The following SCFD1 variants were observed in gnomAD, a reference collection of about 807,000 sequenced individuals.
SCFD1 encodes sec1 family domain containing 1, also known as sec1 family domain-containing protein 1.
A neutral mutation model predicts 103.2 loss-of-function variants in SCFD1; 37 were observed. The ratio of observed to expected loss-of-function variants is 0.36; its 90% CI spans 0.28 to 0.47. The LOEUF (loss-of-function observed/expected upper bound fraction) is 0.47, where lower values mean the gene tolerates loss of function less well. SCFD1 is among the 20% of genes least tolerant of loss of function. The probability of loss-of-function intolerance (pLI) is 1.00; values close to 1 mark genes in which losing one functional copy is unlikely to be tolerated. For missense variants in SCFD1, 639 were observed against 761.2 expected (o/e 0.84, Z 1.89); for synonymous variants, 264 against 245.0 (o/e 1.08, Z -0.73).
intron 1 of SCFD1, among the ~76,000 whole-genome samples, chr14:30,624,667 C>G (rs1470433551): frequency 6.6e-6 from 1 of 152,166 alleles, no homozygotes; most frequent in Non-Finnish European, 1.5e-5. Context: ...TTATTTTTCA[C>G]ACAGTACCCA....
intron 19 of SCFD1, among the ~76,000 whole-genome samples, chr14:30,709,960 T>G (rs1422227430): frequency 6.6e-6 from 1 of 152,240 alleles, no homozygotes; most frequent in Non-Finnish European, 1.5e-5. Flanking sequence ...AACAAAGTAT[T>G]TCTTGTAACA....
chr14:30,642,536 A>G (rs955715504), intron 6 of SCFD1, among the ~76,000 whole-genome samples: 11 of 152,242 alleles, frequency 7.2e-5, no homozygotes, highest in African/African-American at 2.2e-4. Context: ...TTTGGGAACT[A>G]CTTATATACA....
intron 23 of SCFD1, chr14:30,734,372 A>G: frequency 5.4e-6 from 1 of 185,284 alleles, no homozygotes; most frequent in Non-Finnish European, 1.2e-5. Context: ...AAGTGAGACT[A>G]AAAGCACAAT....
chr14:30,662,505 CTT>C (rs34873060), intron 10 of SCFD1, among the ~76,000 whole-genome samples: 5,562 of 152,086 alleles, frequency 0.037, 320 homozygotes, highest in African/African-American at 0.12. Flanking sequence ...TTTTATTTCT[CTT>C]GTTGGTTAAT....
chr14:30,726,855 G>A (rs1893078571), intron 23 of SCFD1, among the ~76,000 whole-genome samples: 1 of 152,230 alleles, frequency 6.6e-6, no homozygotes, highest in East Asian at 1.9e-4. Context: ...GGCAAATCGG[G>A]CTTACCATAG....
intron 23 of SCFD1, 107 bp from the exon 24 acceptor site, chr14:30,734,681 GAA>G (rs1893712538): frequency 2.4e-6 from 2 of 837,096 alleles, no homozygotes; most frequent in Admixed American, 3.8e-5. Context: ...GTATCCCAAA[GAA>G]AGACTGTTAA....
intron 14 of SCFD1, among the ~76,000 whole-genome samples, chr14:30,684,881 A>G (rs1889848895): frequency 9.5e-6 from 1 of 105,464 alleles, no homozygotes; most frequent in Non-Finnish European, 1.8e-5. Context: ...ACATATGTAT[A>G]CATGTGCCAT....
chr14:30,700,525 T>G (rs8006594), intron 16 of SCFD1, among the ~76,000 whole-genome samples: 7,526 of 152,114 alleles, frequency 0.049, 617 homozygotes, highest in African/African-American at 0.17. Context: ...AATACAAAAA[T>G]TAGCCAAGTG....
chr14:30,642,398 A>G (rs1885371426), intron 6 of SCFD1, among the ~76,000 whole-genome samples: 1 of 152,166 alleles, frequency 6.6e-6, no homozygotes, highest in Non-Finnish European at 1.5e-5. Flanking sequence ...CCTCAAAATT[A>G]TAGGTTTTTT....
At position 30,719,902 on chromosome 14, in the gene SCFD1, T is replaced by C. The variant is rs1027462684; in HGVS notation, c.1736+525T>C. Among the ~76,000 whole-genome samples the C allele has an allele frequency of 1.7e-4, 23 of 136,376 alleles. 1 individual carries two copies. The East Asian group carries it at 5.0e-3, about 29-fold the overall frequency. 89.5% of individuals were successfully genotyped at this position (136,376 alleles called of 152,430 possible). A position where few individuals can be genotyped will look rare whatever the true frequency, so the allele number is the denominator to read the frequency against. On this transcript the variant is annotated intron_variant, in intron 21 of 24. Transcript: ENST00000458591. The stretch of plus-strand genomic sequence containing the variant: ...TGGATATTATTTTTCATGATTTAAT[T>C]AGCGGTGGTATGACAAATAGCCTAC...
intron 4 of SCFD1, 127 bp from the exon 5 acceptor site, chr14:30,637,998 G>A: frequency 8.1e-7 from 1 of 1,233,662 alleles, no homozygotes; most frequent in Non-Finnish European, 1.1e-6. Flanking sequence ...TTTCTCTTGG[G>A]ATACTTTTTT....
At chr14:30,644,578 AT>A (rs1214795687) in intron 7 of SCFD1, among the ~76,000 whole-genome samples, 1 of 151,986 alleles carries the variant, frequency 6.6e-6, no homozygotes, top group African/African-American at 2.4e-5. Flanking sequence ...TGTGGTTTTG[AT>A]TTGCATTTCT....
At chr14:30,646,995 G>A (rs556544715) in intron 7 of SCFD1, among the ~76,000 whole-genome samples, 9 of 151,970 alleles carry the variant, frequency 5.9e-5, no homozygotes, top group South Asian at 2.1e-4. Context: ...TATTTGGATC[G>A]TCTCTTTTTT....
At chr14:30,623,092 T>A (rs1187522798) in intron 1 of SCFD1, among the ~76,000 whole-genome samples, 1 of 152,206 alleles carries the variant, frequency 6.6e-6, no homozygotes, top group Non-Finnish European at 1.5e-5. Context: ...TTTTCCGTCT[T>A]AGAAATTAGT....
chr14:30,702,435 T>G, intron 17 of SCFD1, 60 bp downstream of exon 17: 1 of 1,048,948 alleles, frequency 9.5e-7, no homozygotes, highest in Non-Finnish European at 1.4e-6. Context: ...GAGGCTTCAT[T>G]CCCAAGAAAA....
At chr14:30,675,433 A>G (rs1460266976) in intron 14 of SCFD1, 1 of 157,922 alleles carries the variant, frequency 6.3e-6, no homozygotes, top group Non-Finnish European at 1.4e-5. Context: ...ATCCATTAAT[A>G]ACATCACTTT....
chr14:30,705,089 T>A (rs933198747), intron 17 of SCFD1, among the ~76,000 whole-genome samples: 2 of 152,208 alleles, frequency 1.3e-5, no homozygotes, highest in African/African-American at 4.8e-5. Flanking sequence ...TTACAGAGAT[T>A]CTGGACATTT....
intron 11 of SCFD1, among the ~76,000 whole-genome samples, chr14:30,672,028 A>G (rs866959444): frequency 9.6e-4 from 144 of 149,294 alleles, no homozygotes; most frequent in African/African-American, 2.4e-3. Flanking sequence ...AAAAAAAAAA[A>G]GAAAGAAAAG....
At chr14:30,694,709 T>C (rs999085949) in intron 14 of SCFD1, 64 bp from the exon 15 acceptor site, 12 of 1,502,032 alleles carry the variant, frequency 8.0e-6, no homozygotes, top group Non-Finnish European at 1.1e-5. Flanking sequence ...ACTTATAAGG[T>C]GAGTAGATCA....
Sources: allele counts gnomAD v4.1 joint callset (sites outside exome capture counted in the v4.1 genomes callset), GRCh38; gene constraint gnomAD v4.1.1; transcripts MANE v1.5; gene names NCBI Gene and HGNC (gene_info 2026-07-23, HGNC 2026-07-21).